Variants in PARD6B observed in about 807,000 individuals in gnomAD.
The protein encoded by PARD6B is par-6 family cell polarity regulator beta.
A neutral mutation model predicts 10.5 loss-of-function variants in PARD6B; 4 were observed. That is an observed-to-expected ratio of 0.38 (90% CI 0.19 to 0.87). The LOEUF is 0.87. PARD6B is among the 40% of genes least tolerant of loss of function. PARD6B has a pLI of 0.41. For missense variants in PARD6B, 396 were observed against 470.6 expected (o/e 0.84, Z 1.47); for synonymous variants, 169 against 170.4 (o/e 0.99, Z 0.07).
chr20:50,746,111 T>C (rs2087566633), intron 2 of PARD6B, among the ~76,000 whole-genome samples: 1 of 152,154 alleles, frequency 6.6e-6, no homozygotes, highest in African/African-American at 2.4e-5. Context: ...TGTGAAGCTT[T>C]TATGTCTTAC....
At chr20:50,745,893 T>C (rs2087565193) in intron 2 of PARD6B, among the ~76,000 whole-genome samples, 1 of 152,188 alleles carries the variant, frequency 6.6e-6, no homozygotes, top group Non-Finnish European at 1.5e-5. Flanking sequence ...GTCTGACTCT[T>C]GACAGAAAAC....
At position 50,740,961 on chromosome 20, in the gene PARD6B, CT is replaced by C. The variant is rs869151515; in HGVS notation, c.289+2899del. On this transcript the variant is annotated intron_variant, in intron 2 of 2. Coordinates refer to ENST00000371610, the MANE Select transcript of PARD6B (RefSeq NM_032521.3). ...TTCCTCAGACTTGATGAGCTTGTTT[CT>C]TTTTTTTTTTTTTTTTGAGATGGAG... Among the ~76,000 whole-genome samples the C allele has an allele frequency of 4.8e-3, 650 of 135,620 alleles. 2 individuals carry two copies. The highest frequency in any genetic ancestry group is 6.7e-3 in the Non-Finnish European group (421 of 62,578). The allele number at this position is 135,620 out of a possible 152,430, so 89.0% of individuals were successfully genotyped here.
intron 1 of PARD6B, 72 bp downstream of exon 1, chr20:50,731,924 C>A: frequency 1.6e-6 from 2 of 1,258,124 alleles, no homozygotes; most frequent in South Asian, 2.2e-5. Flanking sequence ...GGGCCAGGCT[C>A]GGAGCGCCGG....
rs111978462 is a variant in PARD6B at position 50,750,271 on chromosome 20, A to G, written c.902A>G (p.Asn301Ser). ...GAAGATGACATTATCATTGAAGACA[A>G]TGGAGTGCCACAGCAGATTCCAAAA... ...SEEDDIIIEDNGVPQQIPKAV... is the reference protein window; with the variant it reads ...SEEDDIIIEDSGVPQQIPKAV... The change falls in exon 3 of 3, where the codon AAT becomes AGT. Residue 301 changes from asparagine to serine, a missense_variant. Transcript: ENST00000371610. The G allele has an allele frequency of 5.8e-5, 94 of 1,614,232 alleles. 1 individual carries two copies. The highest frequency in any genetic ancestry group is 3.7e-4 in the African/African-American group (28 of 75,052).
intron 1 of PARD6B, among the ~76,000 whole-genome samples, chr20:50,732,363 G>GTGCATTTAATCT (rs1181115537): frequency 4.9e-4 from 75 of 152,286 alleles, no homozygotes; most frequent in Non-Finnish European, 4.3e-4. Context: ...CACTAACTTT[G>GTGCATTTAATCT]GTATGCATTT....
At position 50,750,291 on chromosome 20, in the gene PARD6B, C is replaced by T; in HGVS notation, c.922C>T (p.Pro308Ser). ...AGACAATGGAGTGCCACAGCAGATT[C>T]CAAAAGCTGTTCCTAATACTGAGAG... ...IEDNGVPQQIPKAVPNTESLE... is the reference protein window; with the variant it reads ...IEDNGVPQQISKAVPNTESLE... Residue 308 changes from proline to serine, a missense_variant, in exon 3 of 3, where the codon CCA becomes TCA. This residue lies in a region of PARD6B where 188 missense variants were observed against 169.7 expected (regional missense o/e 1.11). Transcript: ENST00000371610. The T allele has an allele frequency of 6.2e-7, 1 of 1,614,200 alleles. No homozygotes were observed. The highest frequency in any genetic ancestry group is 8.5e-7 in the Non-Finnish European group (1 of 1,180,052).
At position 50,748,400 on chromosome 20, in the gene PARD6B, C is replaced by T. The variant is rs140899428; in HGVS notation, c.290-1259C>T. 1.9e-3 allele frequency among the ~76,000 whole-genome samples: 283 copies of T among 152,302 alleles called. 3 individuals carry two copies. Among genetic ancestry groups the T allele is most frequent in the Non-Finnish European group, 1.8e-3 (120 of 68,032 alleles). On this transcript the variant is annotated intron_variant, in intron 2 of 2. Coordinates refer to ENST00000371610, the MANE Select transcript of PARD6B (RefSeq NM_032521.3). The stretch of plus-strand genomic sequence containing the variant: ...GTTTATTTGCAGAATACCAAAATTC[C>T]GAAGTGTTTGTTTGATATGCATCAG...
intron 2 of PARD6B, among the ~76,000 whole-genome samples, chr20:50,738,528 A>G (rs761641740): frequency 2.0e-5 from 3 of 152,254 alleles, no homozygotes; most frequent in Admixed American, 1.3e-4. Context: ...AAGCCATTTA[A>G]TCTTCCTGAG....
At chr20:50,733,158 G>T (rs953969978) in intron 1 of PARD6B, among the ~76,000 whole-genome samples, 1 of 152,202 alleles carries the variant, frequency 6.6e-6, no homozygotes, top group African/African-American at 2.4e-5. Context: ...GGTGGCTCAC[G>T]CCTGTAACCC....
intron 2 of PARD6B, among the ~76,000 whole-genome samples, chr20:50,745,859 G>C (rs1160275877): frequency 6.6e-6 from 1 of 152,120 alleles, no homozygotes; most frequent in Non-Finnish European, 1.5e-5. Context: ...TGATTATATA[G>C]CCTGTAATAC....
intron 2 of PARD6B, 152 bp from the exon 3 acceptor site, chr20:50,749,507 T>C (rs2123708444): frequency 1.5e-6 from 1 of 668,018 alleles, no homozygotes; most frequent in South Asian, 2.5e-5. Context: ...TTTACTACTG[T>C]ACTAGATTAT....
chr20:50,736,268 A>T (rs1193642102), intron 1 of PARD6B, among the ~76,000 whole-genome samples: 1 of 152,204 alleles, frequency 6.6e-6, no homozygotes, highest in African/African-American at 2.4e-5. Flanking sequence ...AAATGAAGTG[A>T]CATATTTGTA....
At chr20:50,734,509 CTTATTTAT>C (rs200306022) in intron 1 of PARD6B, among the ~76,000 whole-genome samples, 64 of 150,602 alleles carry the variant, frequency 4.2e-4, no homozygotes, top group African/African-American at 1.5e-3. Context: ...CTACACCCAG[CTTATTTAT>C]TTATTTATTT....
chr20:50,738,472 C>T (rs957291128), intron 2 of PARD6B, among the ~76,000 whole-genome samples: 1 of 152,140 alleles, frequency 6.6e-6, no homozygotes, highest in South Asian at 2.1e-4. Flanking sequence ...TTGGTGGCAA[C>T]CAACTTTCAA....
intron 2 of PARD6B, among the ~76,000 whole-genome samples, chr20:50,740,510 C>T (rs2087525101): frequency 6.6e-6 from 1 of 152,132 alleles, no homozygotes. Flanking sequence ...TTAATCCTAA[C>T]ATCTTTTAAG....
chr20:50,731,872 G>A lies in PARD6B; in HGVS notation c.66+20G>A. The A allele has an allele frequency of 7.0e-7, 1 of 1,419,972 alleles. No homozygotes were observed. The highest frequency in any genetic ancestry group is 9.2e-7 in the Non-Finnish European group (1 of 1,091,036). 88.0% of individuals were successfully genotyped at this position (1,419,972 alleles called of 1,614,324 possible). A position where few individuals can be genotyped will look rare whatever the true frequency, so the allele number is the denominator to read the frequency against. On this transcript the variant is annotated intron_variant, in intron 1 of 2. Coordinates refer to ENST00000371610, the MANE Select transcript of PARD6B (RefSeq NM_032521.3). ...AGCAAGGTGCGCGGGGCCCGGGCTG[G>A]GCGGAGCGGCGGGCCTGGGGGGCCG... is the stretch of plus-strand genomic sequence containing the variant.
chr20:50,734,189 C>T (rs189035692), intron 1 of PARD6B, among the ~76,000 whole-genome samples: 113 of 152,244 alleles, frequency 7.4e-4, no homozygotes, highest in Admixed American at 6.5e-3. Flanking sequence ...ATTGCTGATA[C>T]ATTTATTTTC....
intron 1 of PARD6B, among the ~76,000 whole-genome samples, chr20:50,735,826 A>C (rs1213664665): frequency 6.6e-6 from 1 of 152,272 alleles, no homozygotes; most frequent in East Asian, 1.9e-4. Context: ...TAAAATGTTA[A>C]ATGATCAGAT....
chr20:50,731,874 C>T (rs1456243414), intron 1 of PARD6B, 22 bp downstream of exon 1: 2 of 1,418,090 alleles, frequency 1.4e-6, no homozygotes, highest in East Asian at 3.1e-5. Context: ...CCGGGCTGGG[C>T]GGAGCGGCGG....
Sources: allele counts gnomAD v4.1 joint callset (sites outside exome capture counted in the v4.1 genomes callset), GRCh38; gene constraint gnomAD v4.1.1; regional missense constraint gnomAD v4.1.1; transcripts MANE v1.5; gene names NCBI Gene and HGNC (gene_info 2026-07-23, HGNC 2026-07-21).